DSCAML1: variants seen among roughly 807,000 people sequenced by gnomAD.
The protein encoded by DSCAML1 is DS cell adhesion molecule like 1.
A neutral mutation model predicts 200.5 loss-of-function variants in DSCAML1; 38 were observed. The observed-to-expected ratio is 0.19, with a 90% CI of 0.15 to 0.25. The LOEUF is 0.25. Among genes scored for constraint, DSCAML1 ranks in the 10% least tolerant of loss-of-function variants. The pLI is 1.00. For missense variants in DSCAML1, 2,223 were observed against 2,858.8 expected, an observed-to-expected ratio of 0.78 and a Z score of 5.07; for synonymous variants, 1,215 against 1,165.0, an observed-to-expected ratio of 1.04 and a Z score of -0.87.
chr11:117,793,647 A>G (rs2055517161), intron 1 of DSCAML1, among the ~76,000 whole-genome samples: 1 of 151,924 alleles, frequency 6.6e-6, no homozygotes, highest in Admixed American at 6.6e-5. Flanking sequence ...TTCCCTACCA[A>G]GCTCTCCCTG....
At chr11:117,696,089 G>A (rs753525622) in intron 3 of DSCAML1, among the ~76,000 whole-genome samples, 9 of 152,234 alleles carry the variant, frequency 5.9e-5, no homozygotes, top group Non-Finnish European at 1.0e-4. Context: ...GAAAGCTGAA[G>A]GAAAAGGGGA....
intron 3 of DSCAML1, among the ~76,000 whole-genome samples, chr11:117,647,728 G>A (rs2052545714): frequency 6.6e-6 from 1 of 152,128 alleles, no homozygotes; most frequent in Non-Finnish European, 1.5e-5. Context: ...ATATCTAAAG[G>A]GAACAACACA....
intron 32 of DSCAML1, among the ~76,000 whole-genome samples, chr11:117,430,013 C>T (rs1015253417): frequency 2.2e-4 from 34 of 152,158 alleles, no homozygotes; most frequent in Non-Finnish European, 2.1e-4. Context: ...CAGAAAGCCC[C>T]GCCCCCTGCC....
chr11:117,615,067 T>C (rs2051783071), intron 3 of DSCAML1, among the ~76,000 whole-genome samples: 1 of 152,162 alleles, frequency 6.6e-6, no homozygotes, highest in Non-Finnish European at 1.5e-5. Context: ...TTAGGCTGCC[T>C]CTGGACCACA....
At chr11:117,532,230 G>A in intron 4 of DSCAML1, 146 bp downstream of exon 4, 1 of 707,550 alleles carries the variant, frequency 1.4e-6, no homozygotes, top group Non-Finnish European at 2.2e-6. Flanking sequence ...GGTGGTTTCA[G>A]TACCTGATTT....
chr11:117,756,812 C>A (rs2054702069), intron 3 of DSCAML1, among the ~76,000 whole-genome samples: 1 of 152,064 alleles, frequency 6.6e-6, no homozygotes, highest in Admixed American at 6.5e-5. Flanking sequence ...TCTGCTCACA[C>A]CTTTTGTGGT....
At chr11:117,564,510 C>T (rs1306105578) in intron 3 of DSCAML1, among the ~76,000 whole-genome samples, 3 of 152,176 alleles carry the variant, frequency 2.0e-5, no homozygotes, top group African/African-American at 7.2e-5. Context: ...TTCTTTGCTG[C>T]CCCTGAACAT....
chr11:117,575,241 T>G (rs2050911434), intron 3 of DSCAML1, among the ~76,000 whole-genome samples: 1 of 152,190 alleles, frequency 6.6e-6, no homozygotes, highest in African/African-American at 2.4e-5. Flanking sequence ...CAAGACGCTC[T>G]GGGACCACAT....
intron 3 of DSCAML1, among the ~76,000 whole-genome samples, chr11:117,769,113 TA>T (rs1337344426): frequency 1.6e-5 from 2 of 128,986 alleles, no homozygotes; most frequent in Non-Finnish European, 3.1e-5. Context: ...ATATAATAGA[TA>T]TTTTATATAT....
intron 3 of DSCAML1, among the ~76,000 whole-genome samples, chr11:117,629,224 T>C (rs1221035879): frequency 6.6e-6 from 1 of 152,228 alleles, no homozygotes; most frequent in East Asian, 1.9e-4. Flanking sequence ...TTACGCTCTC[T>C]ATGATATGTC....
rs561747180 is a variant in DSCAML1, at chr11:117,604,706, T to G, written c.512-72184A>C. On this transcript the variant is annotated intron_variant, in intron 3 of 32. Transcript: ENST00000651296. ...TGCCTTTCCTACTAGTTCTAGCTTC[T>G]CTGTGAGGGCTCCAGTGGCAGATGA... Among the ~76,000 whole-genome samples the G allele has an allele frequency of 2.0e-5, 3 of 152,344 alleles. No individual in the cohort carries two copies. The South Asian group carries it at 6.2e-4, about 32-fold the overall frequency.
intron 19 of DSCAML1, among the ~76,000 whole-genome samples, chr11:117,453,945 T>G (rs551741999): frequency 1.3e-5 from 2 of 152,192 alleles, no homozygotes; most frequent in Non-Finnish European, 2.9e-5. Context: ...GGTTTCACCA[T>G]GTTGGCCAGG....
intron 20 of DSCAML1, among the ~76,000 whole-genome samples, chr11:117,445,977 C>T (rs2137104978): frequency 6.6e-6 from 1 of 152,260 alleles, no homozygotes; most frequent in Non-Finnish European, 1.5e-5. Context: ...AATATTTACC[C>T]ATTTTTCTAA....
intron 3 of DSCAML1, among the ~76,000 whole-genome samples, chr11:117,691,428 CTGCCAT>C (rs961736674): frequency 9.2e-5 from 14 of 152,308 alleles, no homozygotes; most frequent in African/African-American, 3.4e-4. Flanking sequence ...ATGTATAATT[CTGCCAT>C]TTACATTCAG....
chr11:117,721,371 T>A (rs1010986115), intron 3 of DSCAML1, among the ~76,000 whole-genome samples: 3 of 152,106 alleles, frequency 2.0e-5, no homozygotes, highest in African/African-American at 7.2e-5. Flanking sequence ...CATATGTCAC[T>A]CTCCAGGTGC....
Position 117,504,955 on chromosome 11 carries a change from G to T in DSCAML1, c.2151C>A (p.Pro717=), listed in dbSNP as rs746679770. The change falls in exon 10 of 33, where the codon CCC becomes CCA. Residue 717 remains proline, a synonymous_variant. Transcript: ENST00000651296. The surrounding 1 kb of genome is among the most constrained non-coding windows in gnomAD (Gnocchi z 5.0). ...GVLNCSVDGY[P]PPKVMWKHAK... is the part of the protein sequence containing the mutation. ...CATGCTTCCACATGACCTTGGGTGG[G>T]GGGTAGCCGTCCACCGAGCAGTTGA... The T allele has an allele frequency of 1.2e-6, 2 of 1,611,080 alleles. No individual in the cohort carries two copies. Among genetic ancestry groups the T allele is most frequent in the South Asian group, 2.2e-5 (2 of 90,238 alleles).
intron 3 of DSCAML1, among the ~76,000 whole-genome samples, chr11:117,633,366 G>A (rs144345911): frequency 0.014 from 2,070 of 152,292 alleles, 50 homozygotes; most frequent in African/African-American, 0.047. Context: ...AGAGCTGGAG[G>A]GGTAGGGAGG....
intron 3 of DSCAML1, among the ~76,000 whole-genome samples, chr11:117,538,048 G>T (rs971312923): frequency 6.6e-6 from 1 of 152,214 alleles, no homozygotes; most frequent in Non-Finnish European, 1.5e-5. Flanking sequence ...TTTGGATTTG[G>T]TGAGTGTTTT....
At chr11:117,569,242 CG>C (rs1199935735) in intron 3 of DSCAML1, among the ~76,000 whole-genome samples, 1 of 152,144 alleles carries the variant, frequency 6.6e-6, no homozygotes, top group Non-Finnish European at 1.5e-5. Context: ...CAGACTTAAA[CG>C]TTAGACCTAA....
Sources: gnomAD v4.1 joint callset for allele counts (sites outside exome capture counted in the v4.1 genomes callset) on GRCh38, gnomAD v4.1.1 for gene constraint, Gnocchi (gnomAD v3.1) non-coding constraint, MANE v1.5 for transcripts, NCBI Gene and HGNC (gene_info 2026-07-23, HGNC 2026-07-21) for gene names.